DLC1: variants seen among roughly 807,000 people sequenced by gnomAD.
The protein encoded by DLC1 is DLC1 Rho GTPase activating protein.
A neutral mutation model predicts 140.3 loss-of-function variants in DLC1; 54 were observed. The observed-to-expected ratio is 0.38, with a 90% CI of 0.31 to 0.48. The LOEUF (loss-of-function observed/expected upper bound fraction) is 0.48. DLC1 is among the 20% of genes least tolerant of loss of function. The pLI is 0.96. For synonymous variants in DLC1, 986 were observed against 728.1 expected, an observed-to-expected ratio of 1.35 and a Z score of -5.70; for missense variants, 2,536 against 1,907.0, an observed-to-expected ratio of 1.33 and a Z score of -6.14.
intron 5 of DLC1, among the ~76,000 whole-genome samples, chr8:13,225,099 G>A (rs1359307498): frequency 3.3e-5 from 5 of 152,196 alleles, no homozygotes; most frequent in Non-Finnish European, 5.9e-5. Context: ...GTTTGATAGG[G>A]CAGAAATGTC....
At chr8:13,478,084 G>C (rs558812984) in intron 2 of DLC1, among the ~76,000 whole-genome samples, 3 of 152,096 alleles carry the variant, frequency 2.0e-5, no homozygotes, top group Non-Finnish European at 4.4e-5. Flanking sequence ...AGAAATACCC[G>C]AGACTGGGTA....
At chr8:13,180,162 A>G (rs1825957619) in intron 5 of DLC1, among the ~76,000 whole-genome samples, 2 of 152,206 alleles carry the variant, frequency 1.3e-5, no homozygotes, top group Admixed American at 1.3e-4. Flanking sequence ...CATCAAAGGA[A>G]GCAGACTTAC....
chr8:13,481,403 G>C (rs982298707), intron 2 of DLC1, among the ~76,000 whole-genome samples: 6 of 152,174 alleles, frequency 3.9e-5, no homozygotes, highest in Non-Finnish European at 8.8e-5. Flanking sequence ...TGCAGCTTGG[G>C]TGATGGGAGT....
chr8:13,568,021 T>C, intron 1 of DLC1: 1 of 1,429,754 alleles, frequency 7.0e-7, no homozygotes, highest in Non-Finnish European at 9.3e-7. Flanking sequence ...GGAAACTAAC[T>C]TAAGACTTTA....
Position 13,266,924 on chromosome 8 carries a change from T to C in DLC1, c.1348+38345A>G, listed in dbSNP as rs189503164. The stretch of plus-strand genomic sequence containing the variant: ...TCATCGCCAGTCTTCCTCATCTTCA[T>C]TGGTTTACCAACCCATTTGTCCAGC... On this transcript the variant is annotated intron_variant, in intron 5 of 17. Transcript: ENST00000276297. 7.9e-4 allele frequency among the ~76,000 whole-genome samples: 121 copies of C among 152,330 alleles called. 3 individuals are homozygous for C. Among genetic ancestry groups the C allele is most frequent in the Admixed American group, 7.5e-3 (114 of 15,302 alleles).
At chr8:13,151,912 T>C (rs1033026094) in intron 5 of DLC1, among the ~76,000 whole-genome samples, 1 of 152,360 alleles carries the variant, frequency 6.6e-6, no homozygotes, top group East Asian at 1.9e-4. Context: ...ATGTATGTTA[T>C]GAATAAATGC....
Position 13,085,842 on chromosome 8 carries a change from T to C in DLC1, c.4556A>G (p.Asn1519Ser). The C allele has an allele frequency of 6.2e-7, 1 of 1,614,184 alleles. No homozygotes were observed. Among genetic ancestry groups the C allele is most frequent in the Non-Finnish European group, 8.5e-7 (1 of 1,180,034 alleles). ...AGATTTGGTGTCTTTGGTTTCAGTG[T>C]TCTGGTTACTGAAGGAATCCCGGAT... is the stretch of plus-strand genomic sequence containing the variant. ...VKIRDSFSNQ[N>S]TETKDTKSR Residue 1519 changes from asparagine to serine, a missense_variant, in exon 18 of 18, where the codon AAC becomes AGC. Coordinates refer to ENST00000276297, the MANE Select transcript of DLC1 (RefSeq NM_182643.3).
At chr8:13,307,481 T>C (rs1015835370) in intron 4 of DLC1, among the ~76,000 whole-genome samples, 1 of 152,232 alleles carries the variant, frequency 6.6e-6, no homozygotes, top group African/African-American at 2.4e-5. Flanking sequence ...CCTTAAAACA[T>C]ATTTAAAAAT....
chr8:13,157,154 T>C (rs1037037147), intron 5 of DLC1, among the ~76,000 whole-genome samples: 7 of 152,206 alleles, frequency 4.6e-5, no homozygotes, highest in Non-Finnish European at 8.8e-5. Flanking sequence ...CTCTGCACCA[T>C]AACTTACAAA....
chr8:13,213,806 C>T (rs1266231741), intron 5 of DLC1, among the ~76,000 whole-genome samples: 4 of 149,626 alleles, frequency 2.7e-5, no homozygotes, highest in African/African-American at 9.9e-5. Flanking sequence ...TTTTTGGAGA[C>T]AGGGTCTCCC....
chr8:13,521,361 A>G (rs1162184741), intron 1 of DLC1, among the ~76,000 whole-genome samples: 1 of 151,984 alleles, frequency 6.6e-6, no homozygotes, highest in East Asian at 1.9e-4. Context: ...ACATTTACCT[A>G]TGTAACAAAC....
chr8:13,268,592 C>T (rs1306233550), intron 5 of DLC1, among the ~76,000 whole-genome samples: 3 of 152,074 alleles, frequency 2.0e-5, no homozygotes, highest in African/African-American at 7.2e-5. Flanking sequence ...GCTATGTTGC[C>T]CAGGTGTCTT....
chr8:13,327,055 T>C (rs1327809949), intron 4 of DLC1, among the ~76,000 whole-genome samples: 1 of 151,256 alleles, frequency 6.6e-6, no homozygotes, highest in East Asian at 1.9e-4. Context: ...CCCAGGTTCA[T>C]GCCACTCTCC....
intron 5 of DLC1, among the ~76,000 whole-genome samples, chr8:13,175,455 C>T (rs757927708): frequency 1.3e-5 from 2 of 151,654 alleles, no homozygotes; most frequent in East Asian, 3.9e-4. Context: ...ACCTTTTCTA[C>T]CTTAAACATT....
At chr8:13,230,623 G>A (rs1829004043) in intron 5 of DLC1, among the ~76,000 whole-genome samples, 1 of 147,776 alleles carries the variant, frequency 6.8e-6, no homozygotes, top group African/African-American at 2.5e-5. Context: ...TGGAGATGGG[G>A]TCTCACTCTG....
chr8:13,463,117 T>G (rs950903113), intron 2 of DLC1, among the ~76,000 whole-genome samples: 7 of 151,974 alleles, frequency 4.6e-5, no homozygotes, highest in African/African-American at 1.7e-4. Context: ...TGAGCTGGTT[T>G]TATTTATTTA....
chr8:13,325,079 G>A (rs1437412904), intron 4 of DLC1, among the ~76,000 whole-genome samples: 2 of 152,186 alleles, frequency 1.3e-5, no homozygotes, highest in Non-Finnish European at 2.9e-5. Context: ...AGGTACTGGA[G>A]GTAAAGCTCA....
chr8:13,101,558 C>T (rs944440211), intron 8 of DLC1, among the ~76,000 whole-genome samples: 2 of 152,086 alleles, frequency 1.3e-5, no homozygotes, highest in Admixed American at 6.5e-5. Flanking sequence ...ATAAGGTCTC[C>T]CACTGGAGTA....
Position 13,348,546 on chromosome 8 carries a change from A to T in DLC1, c.1315-43244T>A, listed in dbSNP as rs149008656. Among the ~76,000 whole-genome samples, 287 of 152,316 alleles carry T rather than the reference A, an allele frequency of 1.9e-3. 1 individual carries two copies. The highest frequency in any genetic ancestry group is 2.6e-3 in the Non-Finnish European group (174 of 68,028). ...GAAGGTTGTTGCTAGAGTCCATAAG[A>T]AAGATGATGAACACTTTTTGACGAC... On this transcript the variant is annotated intron_variant, in intron 4 of 17. Coordinates refer to ENST00000276297, the MANE Select transcript of DLC1 (RefSeq NM_182643.3).
Sources: allele counts gnomAD v4.1 joint callset (sites outside exome capture counted in the v4.1 genomes callset), GRCh38; gene constraint gnomAD v4.1.1; transcripts MANE v1.5; gene names NCBI Gene and HGNC (gene_info 2026-07-23, HGNC 2026-07-21).